The following EYS variants were observed in gnomAD, a reference collection of about 807,000 sequenced individuals.
EYS encodes the protein EGF-like photoreceptor maintenance factor, also known as protein eyes shut homolog.
EYS carries 250 observed loss-of-function variants against 282.1 expected under a neutral mutation model. The ratio of observed to expected loss-of-function variants is 0.89; its 90% CI spans 0.80 to 0.98. The LOEUF (loss-of-function observed/expected upper bound fraction) is 0.98. Ranked by LOEUF, EYS falls within the 50% of genes least tolerant of loss-of-function variation. The pLI is 0.00. For synonymous variants in EYS, 1,355 were observed against 1,282.9 expected (o/e 1.06, Z -1.20); for missense variants, 4,016 against 3,709.0 (o/e 1.08, Z -2.15).
intron 28 of EYS, among the ~76,000 whole-genome samples, chr6:64,417,665 G>T (rs995569796): frequency 2.0e-4 from 26 of 132,116 alleles, no homozygotes; most frequent in Non-Finnish European, 2.2e-4. Flanking sequence ...TACCTGTAAG[G>T]GTTGGCTTTT....
chr6:65,135,136 G>A (rs924933641), intron 12 of EYS, among the ~76,000 whole-genome samples: 6 of 152,074 alleles, frequency 3.9e-5, no homozygotes, highest in African/African-American at 1.4e-4. Context: ...AAATTGATTT[G>A]ATTCCTAGGG....
At chr6:64,894,885 T>A (rs548818583) in intron 18 of EYS, among the ~76,000 whole-genome samples, 122 of 152,294 alleles carry the variant, frequency 8.0e-4, no homozygotes, top group African/African-American at 2.2e-3. Context: ...TGTTTTTTTT[T>A]ACCCACAATT....
intron 31 of EYS, among the ~76,000 whole-genome samples, chr6:64,158,029 G>A (rs2150299123): frequency 6.6e-6 from 1 of 152,312 alleles, no homozygotes; most frequent in Non-Finnish European, 1.5e-5. Flanking sequence ...CTGGGAGGGA[G>A]GCTGTACCCT....
At chr6:65,298,927 C>A (rs370633098) in intron 11 of EYS, among the ~76,000 whole-genome samples, 1 of 151,934 alleles carries the variant, frequency 6.6e-6, no homozygotes, top group Non-Finnish European at 1.5e-5. Context: ...AGTTACTATG[C>A]GTTTTAATTT....
At chr6:65,126,624 G>T (rs1017780312) in intron 12 of EYS, among the ~76,000 whole-genome samples, 1 of 152,122 alleles carries the variant, frequency 6.6e-6, no homozygotes, top group Non-Finnish European at 1.5e-5. Flanking sequence ...CCACAAAAAC[G>T]ATTTTTAAAG....
chr6:63,830,616 A>G (rs1332480357), intron 36 of EYS, among the ~76,000 whole-genome samples: 1 of 152,204 alleles, frequency 6.6e-6, no homozygotes, highest in African/African-American at 2.4e-5. Context: ...TGATGGGGAG[A>G]ATGGAACCAA....
In EYS at chr6:65,580,926, T is replaced by A. The variant is rs574233349; in HGVS notation, c.-333+58852A>T. ...TATATTAATATTCCAGTATTTCAAA[T>A]TGTAAGCATTAAAATGTCATCTAAT... On this transcript the variant is annotated intron_variant, in intron 2 of 42. Transcript: ENST00000503581. Among the ~76,000 whole-genome samples the A allele has an allele frequency of 5.9e-5, 9 of 152,226 alleles. 1 individual carries two copies. The highest frequency in any genetic ancestry group is 2.2e-4 in the African/African-American group (9 of 41,576).
intron 28 of EYS, among the ~76,000 whole-genome samples, chr6:64,393,830 G>A (rs1487858011): frequency 1.3e-5 from 2 of 152,184 alleles, no homozygotes; most frequent in African/African-American, 4.8e-5. Context: ...TAGGAAAAGA[G>A]GAAGTCAAAT....
chr6:65,148,513 C>G (rs1764533604), intron 12 of EYS, among the ~76,000 whole-genome samples: 1 of 152,124 alleles, frequency 6.6e-6, no homozygotes, highest in Non-Finnish European at 1.5e-5. Context: ...TTTCAGGGTA[C>G]CGTGCCCCTC....
chr6:65,428,276 A>G (rs1767740120), intron 5 of EYS, among the ~76,000 whole-genome samples: 1 of 152,158 alleles, frequency 6.6e-6, no homozygotes, highest in African/African-American at 2.4e-5. Context: ...CTAGATTTAT[A>G]TGACAGTATT....
intron 28 of EYS, among the ~76,000 whole-genome samples, chr6:64,402,257 T>A (rs1773558452): frequency 6.6e-6 from 1 of 152,200 alleles, no homozygotes. Flanking sequence ...TATTGCTTTC[T>A]CCTTTTATGT....
intron 31 of EYS, among the ~76,000 whole-genome samples, chr6:64,120,074 G>A (rs111914138): frequency 2.6e-5 from 4 of 151,560 alleles, no homozygotes; most frequent in African/African-American, 4.9e-5. Context: ...TTGGCCAGGC[G>A]TGGTGGCTTA....
chr6:65,534,683 C>T (rs1562245393), intron 2 of EYS, among the ~76,000 whole-genome samples: 3 of 152,124 alleles, frequency 2.0e-5, no homozygotes, highest in Non-Finnish European at 4.4e-5. Context: ...TTCTAGTTAG[C>T]TTATCTACAG....
chr6:64,532,766 C>T (rs533238607), intron 26 of EYS, among the ~76,000 whole-genome samples: 6 of 152,106 alleles, frequency 3.9e-5, no homozygotes, highest in African/African-American at 7.2e-5. Context: ...ATTTTATTTA[C>T]TACAATGTTT....
rs145724546 is a variant in EYS, at chr6:65,139,345, T to C, written c.2024-81618A>G. 3.9e-5 allele frequency among the ~76,000 whole-genome samples: 6 copies of C among 152,020 alleles called. No individual in the cohort carries two copies. In the East Asian group the frequency reaches 1.2e-3, roughly 30 times the overall value. Reference sequence around the variant, plus strand: ...ACTAATACAGGAACAGAAAACCAAATACCATCTGTTATTGCTTGTAAGTGG... The same window carrying C: ...ACTAATACAGGAACAGAAAACCAAACACCATCTGTTATTGCTTGTAAGTGG... On this transcript the variant is annotated intron_variant, in intron 12 of 42. Coordinates refer to ENST00000503581, the MANE Select transcript of EYS (RefSeq NM_001142800.2).
intron 12 of EYS, among the ~76,000 whole-genome samples, chr6:65,177,267 C>T (rs983343834): frequency 1.3e-5 from 2 of 151,790 alleles, no homozygotes; most frequent in Non-Finnish European, 2.9e-5. Context: ...ATTTCAAAGA[C>T]TTTGATGTAA....
At position 63,876,481 on chromosome 6, in the gene EYS, A is replaced by G. The variant is rs568158786; in HGVS notation, c.7056-12123T>C. Among the ~76,000 whole-genome samples, 4 of 152,314 alleles carry G rather than the reference A, an allele frequency of 2.6e-5. No homozygotes were observed. In the Middle Eastern group the frequency reaches 0.014, roughly 518 times the overall value. ...GGGGTTGAGAGTTCTGTAAATGTCT[A>G]TTAGGTCCTCTTGGTGCAGAGCTGA... On this transcript the variant is annotated intron_variant, in intron 35 of 42. Coordinates refer to ENST00000503581, the MANE Select transcript of EYS (RefSeq NM_001142800.2).
Position 64,614,327 on chromosome 6 carries a change from C to T in EYS, c.3684+3091G>A, listed in dbSNP as rs116814396. ...TAAACATAAAATGTTATGCTACAGG[C>T]CTATTTATCTGAGTTCCTTTTACGC... On this transcript the variant is annotated intron_variant, in intron 24 of 42. Coordinates refer to ENST00000503581, the MANE Select transcript of EYS (RefSeq NM_001142800.2). 8.2e-3 allele frequency among the ~76,000 whole-genome samples: 1,249 copies of T among 152,106 alleles called. 21 individuals carry two copies. Among genetic ancestry groups the T allele is most frequent in the African/African-American group, 0.029 (1,188 of 41,482 alleles).
At chr6:64,477,379 G>A (rs1776306243) in intron 26 of EYS, among the ~76,000 whole-genome samples, 1 of 151,876 alleles carries the variant, frequency 6.6e-6, no homozygotes, top group African/African-American at 2.4e-5. Flanking sequence ...TATTTATTTT[G>A]GAAGCCTTAA....
Sources: allele counts gnomAD v4.1 joint callset (sites outside exome capture counted in the v4.1 genomes callset), GRCh38; gene constraint gnomAD v4.1.1; transcripts MANE v1.5; gene names NCBI Gene and HGNC (gene_info 2026-07-23, HGNC 2026-07-21).